Variants in ETHE1 observed in about 807,000 individuals in gnomAD.
ETHE1 encodes persulfide dioxygenase ETHE1, mitochondrial.
In ETHE1, 16 loss-of-function variants were observed where a neutral mutation model predicts 25.7. That is an observed-to-expected ratio of 0.62 (90% CI 0.42 to 0.95). ETHE1 has a LOEUF of 0.95. Ranked by LOEUF, ETHE1 falls within the 40% of genes least tolerant of loss-of-function variation. The pLI is 0.00. For missense variants in ETHE1, 300 were observed against 333.6 expected (o/e 0.90, Z 0.79); for synonymous variants, 139 against 135.9 (o/e 1.02, Z -0.16).
chr19:43,512,742 T>C (rs995148127), intron 3 of ETHE1, among the ~76,000 whole-genome samples: 1 of 80,304 alleles, frequency 1.2e-5, no homozygotes, highest in Non-Finnish European at 2.6e-5. Context: ...GACAATGTGA[T>C]AGAAAAAAAA....
chr19:43,520,242 G>A (rs2146004333), intron 3 of ETHE1, among the ~76,000 whole-genome samples: 1 of 152,044 alleles, frequency 6.6e-6, no homozygotes, highest in East Asian at 1.9e-4. Context: ...TGTAAATCCA[G>A]CTACTGCTAC....
At chr19:43,524,409 A>G (rs1325802732) in intron 3 of ETHE1, among the ~76,000 whole-genome samples, 1 of 146,874 alleles carries the variant, frequency 6.8e-6, no homozygotes, top group Non-Finnish European at 1.5e-5. Flanking sequence ...AAAAAAAAAA[A>G]GTTGCCTAAG....
intron 5 of ETHE1, among the ~76,000 whole-genome samples, chr19:43,508,338 C>T (rs1333891424): frequency 7.5e-6 from 1 of 133,504 alleles, no homozygotes. Context: ...GGCTCAAGCA[C>T]TTTATCTCTT....
chr19:43,508,943 G>T, intron 4 of ETHE1, 79 bp from the exon 5 acceptor site: 1 of 1,087,674 alleles, frequency 9.2e-7, no homozygotes, highest in Non-Finnish European at 1.4e-6. Flanking sequence ...AAGGGTAGGA[G>T]GATAAAATCA....
rs1284807261 is a variant in ETHE1 at position 43,527,092 on chromosome 19, C to T, written c.81+5G>A. 5.2e-6 allele frequency: 8 copies of T among 1,551,524 alleles called. No individual in the cohort carries two copies. The Admixed American group carries it at 5.7e-5, about 11-fold the overall frequency. Reference sequence around the variant, plus strand: ...CAGTCCCCTCCTAGGTCCAGCCACCCGCACCTGCCGCAGGAGGATGGGGGC... The same window carrying T: ...CAGTCCCCTCCTAGGTCCAGCCACCTGCACCTGCCGCAGGAGGATGGGGGC... On this transcript the variant is annotated splice_donor_5th_base_variant and intron_variant, in intron 1 of 6. Coordinates refer to ENST00000292147, the MANE Select transcript of ETHE1 (RefSeq NM_014297.5).
At chr19:43,527,004 C>A (rs941757721) in intron 1 of ETHE1, 93 bp downstream of exon 1, 1 of 1,535,810 alleles carries the variant, frequency 6.5e-7, no homozygotes, top group Admixed American at 2.0e-5. Flanking sequence ...GGCGTGGGTC[C>A]CCCCGGATCT....
chr19:43,526,001 C>T lies in ETHE1; in HGVS notation c.375+200G>A, dbSNP rs1972235825. The T allele has an allele frequency of 5.8e-6, 4 of 683,864 alleles. No homozygotes were observed. The Admixed American group carries it at 8.4e-5, about 14-fold the overall frequency. The allele number at this position is 683,864 out of a possible 1,614,324, so 42.4% of individuals were successfully genotyped here. A position where few individuals can be genotyped will look rare whatever the true frequency, so the allele number is the denominator to read the frequency against. On this transcript the variant is annotated intron_variant, in intron 3 of 6. Transcript: ENST00000292147. ...CTTAGGAGTTCCGCCAGTGCCCCAC[C>T]TGCCCAGAGCCTCTTGCCCCAGTGC...
intron 3 of ETHE1, among the ~76,000 whole-genome samples, chr19:43,521,957 T>A (rs1282908637): frequency 6.6e-6 from 1 of 152,020 alleles, no homozygotes; most frequent in Non-Finnish European, 1.5e-5. Flanking sequence ...ATTCACTTTG[T>A]ACTTTGGGAG....
At chr19:43,517,959 A>C (rs1168863421) in intron 3 of ETHE1, among the ~76,000 whole-genome samples, 1 of 151,708 alleles carries the variant, frequency 6.6e-6, no homozygotes, top group African/African-American at 2.4e-5. Context: ...CAAAAAAAAA[A>C]AACAAAAAAC....
intron 3 of ETHE1, among the ~76,000 whole-genome samples, chr19:43,515,413 G>A (rs931629807): frequency 3.1e-5 from 4 of 128,992 alleles, no homozygotes; most frequent in Non-Finnish European, 6.5e-5. Flanking sequence ...GCAAAACTCC[G>A]CCTTAAAAAA....
rs189358294 is a variant in ETHE1, at chr19:43,522,447, A to G, written c.375+3754T>C. On this transcript the variant is annotated intron_variant, in intron 3 of 6. Coordinates refer to ENST00000292147, the MANE Select transcript of ETHE1 (RefSeq NM_014297.5). ...CTCAAACAAATTTAAAAAAAAACCT[A>G]TATGAAATCCAAATTTTATTTTTTA... Among the ~76,000 whole-genome samples the G allele has an allele frequency of 5.3e-5, 8 of 152,242 alleles. No homozygotes were observed. In the East Asian group the frequency reaches 1.5e-3, roughly 29 times the overall value.
Position 43,506,761 on chromosome 19 carries a change from G to T in ETHE1, c.*89C>A. ...TTATTTAGGGAGCTCCAGGGAATGC[G>T]GTGGGAAAGGAGAGGTGCAGTGTCA... On this transcript the variant is annotated 3_prime_UTR_variant, in exon 7 of 7. Coordinates refer to ENST00000292147, the MANE Select transcript of ETHE1 (RefSeq NM_014297.5). 1 of 1,221,374 alleles carries T rather than the reference G, an allele frequency of 8.2e-7. No individual in the cohort carries two copies. Among genetic ancestry groups the T allele is most frequent in the Non-Finnish European group, 1.2e-6 (1 of 825,488 alleles). 75.7% of individuals were successfully genotyped at this position (1,221,374 alleles called of 1,614,324 possible). A position where few individuals can be genotyped will look rare whatever the true frequency, so the allele number is the denominator to read the frequency against.
intron 3 of ETHE1, among the ~76,000 whole-genome samples, chr19:43,524,148 A>C (rs1972192807): frequency 6.6e-6 from 1 of 152,068 alleles, no homozygotes; most frequent in Admixed American, 6.6e-5. Flanking sequence ...GGTTGCGCTA[A>C]GCTGAGATAG....
intron 3 of ETHE1, among the ~76,000 whole-genome samples, chr19:43,525,195 C>T (rs1022084976): frequency 6.6e-6 from 1 of 151,364 alleles, no homozygotes; most frequent in Non-Finnish European, 1.5e-5. Flanking sequence ...CATAGCTAAA[C>T]CCTTCGTTCA....
intron 4 of ETHE1, among the ~76,000 whole-genome samples, chr19:43,510,633 C>T (rs1971893984): frequency 1.1e-5 from 1 of 91,286 alleles, no homozygotes; most frequent in African/African-American, 5.6e-5. Flanking sequence ...ATGCCCAGCC[C>T]TTTGTTTTTT....
chr19:43,516,209 T>C (rs1972015659), intron 3 of ETHE1, among the ~76,000 whole-genome samples: 1 of 152,156 alleles, frequency 6.6e-6, no homozygotes, highest in Non-Finnish European at 1.5e-5. Flanking sequence ...AAATCAAAAT[T>C]ACTGGGCAGT....
At chr19:43,508,693 TC>T in intron 5 of ETHE1, 81 bp downstream of exon 5, 1 of 1,183,880 alleles carries the variant, frequency 8.4e-7, no homozygotes, top group Non-Finnish European at 1.2e-6. Context: ...CTGGTCGTCT[TC>T]ATGCCCTACA....
At chr19:43,521,361 T>C (rs1972135455) in intron 3 of ETHE1, among the ~76,000 whole-genome samples, 1 of 152,040 alleles carries the variant, frequency 6.6e-6, no homozygotes, top group African/African-American at 2.4e-5. Flanking sequence ...GGCGATCCAC[T>C]GCCTTGTAGC....
At chr19:43,515,125 A>G (rs1971992799) in intron 3 of ETHE1, among the ~76,000 whole-genome samples, 1 of 152,100 alleles carries the variant, frequency 6.6e-6, no homozygotes, top group South Asian at 2.1e-4. Context: ...AATAAAAAAT[A>G]GGCAGTGGTG....
Sources: gnomAD v4.1 joint callset for allele counts (sites outside exome capture counted in the v4.1 genomes callset) on GRCh38, gnomAD v4.1.1 for gene constraint, MANE v1.5 for transcripts, NCBI Gene and HGNC (gene_info 2026-07-23, HGNC 2026-07-21) for gene names.